Variants in DPYD observed in about 807,000 individuals in gnomAD.
DPYD encodes dihydropyrimidine dehydrogenase [NADP(+)].
A neutral mutation model predicts 116.2 loss-of-function variants in DPYD; 109 were observed. The ratio of observed to expected loss-of-function variants is 0.94; its 90% CI spans 0.80 to 1.10. DPYD has a LOEUF of 1.10. Among genes scored for constraint, DPYD ranks in the 50% least tolerant of loss-of-function variants. DPYD has a pLI of 0.00. For missense variants in DPYD, 1,302 were observed against 1,254.5 expected, an observed-to-expected ratio of 1.04 and a Z score of -0.57; for synonymous variants, 440 against 432.0, an observed-to-expected ratio of 1.02 and a Z score of -0.23.
intron 21 of DPYD, among the ~76,000 whole-genome samples, chr1:97,090,524 CTTAA>C (rs1649830627): frequency 2.0e-5 from 3 of 152,260 alleles, no homozygotes; most frequent in South Asian, 2.1e-4. Context: ...TAATTCTCTG[CTTAA>C]TTAACACTAA....
chr1:97,894,787 C>T (rs1672969262), intron 1 of DPYD, among the ~76,000 whole-genome samples: 1 of 151,574 alleles, frequency 6.6e-6, no homozygotes, highest in Admixed American at 6.6e-5. Context: ...AATGGGATAA[C>T]CTATACTGTA....
chr1:97,323,455 T>A (rs981879855), intron 16 of DPYD, among the ~76,000 whole-genome samples: 1 of 101,428 alleles, frequency 9.9e-6, no homozygotes, highest in African/African-American at 2.8e-5. Context: ...TATATACATA[T>A]CATATATACA....
chr1:97,856,020 G>A (rs1211405425), intron 2 of DPYD: 3 of 152,124 alleles, frequency 2.0e-5, no homozygotes, highest in Non-Finnish European at 2.9e-5. Flanking sequence ...CAGAAACGGA[G>A]ACATCTTAGA....
intron 16 of DPYD, among the ~76,000 whole-genome samples, chr1:97,316,560 A>C (rs1202349160): frequency 6.8e-6 from 1 of 147,824 alleles, no homozygotes; most frequent in African/African-American, 2.5e-5. Context: ...ATAAAATAAA[A>C]TATCATTCAT....
intron 16 of DPYD, among the ~76,000 whole-genome samples, chr1:97,337,184 G>A (rs974131351): frequency 2.6e-5 from 4 of 152,154 alleles, no homozygotes; most frequent in Non-Finnish European, 5.9e-5. Context: ...GGACCATGAA[G>A]AGGCAGAAAT....
chr1:97,519,799 T>G (rs1243891264), intron 12 of DPYD, among the ~76,000 whole-genome samples: 1 of 152,142 alleles, frequency 6.6e-6, no homozygotes, highest in Non-Finnish European at 1.5e-5. Flanking sequence ...TTTCAATCAT[T>G]GCTTCTCCAA....
At chr1:97,787,304 G>C (rs980290772) in intron 3 of DPYD, among the ~76,000 whole-genome samples, 2 of 152,152 alleles carry the variant, frequency 1.3e-5, no homozygotes, top group Admixed American at 6.5e-5. Context: ...AAATAAGTGA[G>C]ACTTTTATCC....
intron 5 of DPYD, among the ~76,000 whole-genome samples, chr1:97,711,749 GTTTT>G (rs1211390899): frequency 2.0e-5 from 3 of 151,734 alleles, no homozygotes; most frequent in African/African-American, 7.2e-5. Flanking sequence ...TCTTTTAAGA[GTTTT>G]TTATTATTAT....
chr1:97,526,762 T>C (rs1041439071), intron 12 of DPYD, among the ~76,000 whole-genome samples: 3 of 152,184 alleles, frequency 2.0e-5, no homozygotes, highest in Admixed American at 1.3e-4. Context: ...GCTAATAAAG[T>C]GTCAGCTCTG....
At chr1:97,593,468 G>A (rs1223331607) in intron 9 of DPYD, 81 bp from the exon 10 acceptor site, 2 of 1,543,180 alleles carry the variant, frequency 1.3e-6, no homozygotes, top group African/African-American at 1.4e-5. Context: ...TGTACTCAAA[G>A]CAGTGTAAAA....
At chr1:97,527,140 G>A (rs1278094548) in intron 12 of DPYD, among the ~76,000 whole-genome samples, 3 of 151,024 alleles carry the variant, frequency 2.0e-5, no homozygotes, top group East Asian at 2.0e-4. Context: ...GTGCAGTGGC[G>A]TGATCTCGGC....
intron 2 of DPYD, among the ~76,000 whole-genome samples, chr1:97,870,783 T>C (rs1157245919): frequency 1.3e-5 from 2 of 151,860 alleles, no homozygotes; most frequent in East Asian, 3.9e-4. Flanking sequence ...GTGCTCCCTC[T>C]AATGTCCTTT....
intron 20 of DPYD, among the ~76,000 whole-genome samples, chr1:97,157,444 G>A (rs1655555486): frequency 6.6e-6 from 1 of 151,886 alleles, no homozygotes; most frequent in African/African-American, 2.4e-5. Flanking sequence ...CTACTTATGT[G>A]GGATTTTATT....
At chr1:97,910,296 T>C (rs1673872946) in intron 1 of DPYD, among the ~76,000 whole-genome samples, 1 of 152,048 alleles carries the variant, frequency 6.6e-6, no homozygotes, top group Non-Finnish European at 1.5e-5. Flanking sequence ...GCTTAGCACA[T>C]TAGGAAAAAA....
intron 19 of DPYD, among the ~76,000 whole-genome samples, chr1:97,195,412 T>C (rs1015529263): frequency 2.7e-5 from 4 of 150,698 alleles, no homozygotes; most frequent in Admixed American, 6.6e-5. Context: ...TACATTTTAT[T>C]GTAAGCCTCG....
chr1:97,492,154 T>C (rs934334973), intron 13 of DPYD, among the ~76,000 whole-genome samples: 10 of 152,130 alleles, frequency 6.6e-5, no homozygotes, highest in Non-Finnish European at 1.3e-4. Context: ...AAGCTCGATA[T>C]AGTCATAAAT....
intron 8 of DPYD, among the ~76,000 whole-genome samples, chr1:97,654,214 G>T (rs535071285): frequency 6.6e-6 from 1 of 152,268 alleles, no homozygotes; most frequent in Non-Finnish European, 1.5e-5. Context: ...AATCTAATAT[G>T]ATGGATAGAT....
chr1:97,754,665 G>T (rs1319436053), intron 3 of DPYD, among the ~76,000 whole-genome samples: 1 of 152,204 alleles, frequency 6.6e-6, no homozygotes, highest in Non-Finnish European at 1.5e-5. Flanking sequence ...ATTTTGCTAA[G>T]TGCTGGAGAT....
chr1:97,085,798 C>T (rs1400068245), intron 21 of DPYD, among the ~76,000 whole-genome samples: 10 of 152,114 alleles, frequency 6.6e-5, no homozygotes, highest in Admixed American at 6.5e-4. Flanking sequence ...ATTCATTATT[C>T]CAATTCATTA....
Sources: allele counts gnomAD v4.1 joint callset (sites outside exome capture counted in the v4.1 genomes callset), GRCh38; gene constraint gnomAD v4.1.1; transcripts MANE v1.5; gene names NCBI Gene and HGNC (gene_info 2026-07-23, HGNC 2026-07-21).